Variants in CTNNA2 observed in about 807,000 individuals in gnomAD.
CTNNA2 encodes catenin alpha 2, also known as catenin alpha-2.
Under a neutral mutation model 101.0 loss-of-function variants are expected in CTNNA2, and 42 were observed. The observed-to-expected ratio is 0.42, with a 90% CI of 0.32 to 0.54. CTNNA2 has a LOEUF of 0.54. CTNNA2 is among the 20% of genes least tolerant of loss of function. The probability of loss-of-function intolerance (pLI) is 0.14; values close to 1 mark genes in which losing one functional copy is unlikely to be tolerated. For synonymous variants in CTNNA2, 450 were observed against 456.4 expected (o/e 0.99, Z 0.18); for missense variants, 871 against 1,223.1 (o/e 0.71, Z 4.29).
intron 3 of CTNNA2, among the ~76,000 whole-genome samples, chr2:79,806,642 C>T (rs566443501): frequency 3.9e-5 from 6 of 152,074 alleles, no homozygotes; most frequent in African/African-American, 7.2e-5. Context: ...CAGAACCCTG[C>T]GACTGCCCCA....
chr2:80,099,414 G>T (rs1044021539), intron 7 of CTNNA2, among the ~76,000 whole-genome samples: 2 of 152,118 alleles, frequency 1.3e-5, no homozygotes, highest in South Asian at 2.1e-4. Context: ...TGATAAACTG[G>T]CAGATATAGG....
At chr2:79,769,150 C>T (rs1160091436) in intron 3 of CTNNA2, among the ~76,000 whole-genome samples, 2 of 152,168 alleles carry the variant, frequency 1.3e-5, no homozygotes, top group Admixed American at 6.6e-5. Flanking sequence ...CCACTGTGCT[C>T]GGCCTGTGTG....
At chr2:80,391,256 A>G (rs533527975) in intron 7 of CTNNA2, among the ~76,000 whole-genome samples, 74 of 152,086 alleles carry the variant, frequency 4.9e-4, no homozygotes, top group African/African-American at 1.6e-3. Flanking sequence ...CACTCTGTTC[A>G]CACCAGTCCC....
chr2:79,538,599 T>A (rs1673216782), intron 1 of CTNNA2, among the ~76,000 whole-genome samples: 1 of 152,138 alleles, frequency 6.6e-6, no homozygotes, highest in African/African-American at 2.4e-5. Flanking sequence ...CAGGTAGGGC[T>A]GGAAATAGTA....
chr2:79,585,367 A>G (rs1479694583), intron 1 of CTNNA2, among the ~76,000 whole-genome samples: 1 of 152,020 alleles, frequency 6.6e-6, no homozygotes, highest in African/African-American at 2.4e-5. Context: ...TGTATTGGAT[A>G]ACACTTCCAA....
At chr2:79,241,032 T>A (rs957617368) in intron 2 of CTNNA2, among the ~76,000 whole-genome samples, 1 of 152,182 alleles carries the variant, frequency 6.6e-6, no homozygotes, top group Non-Finnish European at 1.5e-5. Flanking sequence ...TGGTAAGGAA[T>A]TTTTCACAGA....
chr2:79,486,761 G>A (rs367658625), intron 4 of CTNNA2, among the ~76,000 whole-genome samples: 7 of 152,116 alleles, frequency 4.6e-5, no homozygotes, highest in South Asian at 2.1e-4. Context: ...TTTAATGATC[G>A]CCATTCTAAC....
At chr2:79,393,962 A>C (rs1444506757) in intron 4 of CTNNA2, among the ~76,000 whole-genome samples, 1 of 151,996 alleles carries the variant, frequency 6.6e-6, no homozygotes, top group African/African-American at 2.4e-5. Context: ...GAGGCCACTG[A>C]CCTGAGTCAT....
intron 9 of CTNNA2, among the ~76,000 whole-genome samples, chr2:80,532,019 T>G (rs1490452873): frequency 6.6e-6 from 1 of 152,194 alleles, no homozygotes; most frequent in Non-Finnish European, 1.5e-5. Flanking sequence ...ATAGGCAATA[T>G]GTATAAAAGG....
chr2:79,301,936 C>CA (rs1373570932), intron 2 of CTNNA2, among the ~76,000 whole-genome samples: 3 of 151,530 alleles, frequency 2.0e-5, no homozygotes, highest in Non-Finnish European at 4.4e-5. Context: ...ACAAAAAATA[C>CA]AAAAAAATTA....
At chr2:79,563,189 T>TATATATATATA (rs879673133) in intron 1 of CTNNA2, among the ~76,000 whole-genome samples, 456 of 40,252 alleles carry the variant, frequency 0.011, 7 homozygotes, top group Middle Eastern at 0.067. Context: ...ATATATATAT[T>TATATATATATA]TTCCTTCATT....
chr2:79,555,964 A>T (rs1366946057), intron 1 of CTNNA2, among the ~76,000 whole-genome samples: 1 of 152,110 alleles, frequency 6.6e-6, no homozygotes, highest in Admixed American at 6.6e-5. Flanking sequence ...GGTCCATTAT[A>T]ATTTTTGCAA....
chr2:80,029,826 A>G (rs1265168116), intron 7 of CTNNA2, among the ~76,000 whole-genome samples: 7 of 152,142 alleles, frequency 4.6e-5, no homozygotes, highest in African/African-American at 1.7e-4. Flanking sequence ...ATAAAAACAC[A>G]CTAAAGCACA....
chr2:79,586,482 A>G (rs1316635117), intron 1 of CTNNA2, among the ~76,000 whole-genome samples: 1 of 146,592 alleles, frequency 6.8e-6, no homozygotes, highest in Non-Finnish European at 1.5e-5. Context: ...CTTTTCTACA[A>G]AGCCTTCTTC....
chr2:80,626,764 T>C (rs1671726754), intron 18 of CTNNA2, among the ~76,000 whole-genome samples: 1 of 152,112 alleles, frequency 6.6e-6, no homozygotes, highest in Non-Finnish European at 1.5e-5. Flanking sequence ...GTGCAGAACG[T>C]ACAGGTTTGT....
At chr2:79,301,673 C>T (rs1241383236) in intron 2 of CTNNA2, among the ~76,000 whole-genome samples, 2 of 152,152 alleles carry the variant, frequency 1.3e-5, no homozygotes, top group Non-Finnish European at 2.9e-5. Context: ...TCTCCCCTGT[C>T]TCCCCTTGAG....
At chr2:80,308,011 A>G (rs188621140) in intron 7 of CTNNA2, among the ~76,000 whole-genome samples, 3 of 152,366 alleles carry the variant, frequency 2.0e-5, no homozygotes, top group Admixed American at 2.0e-4. Context: ...CGTTGTAGTT[A>G]GAGAGGCCAG....
At chr2:79,268,820 G>C (rs994691654) in intron 2 of CTNNA2, among the ~76,000 whole-genome samples, 22 of 152,078 alleles carry the variant, frequency 1.4e-4, no homozygotes, top group Admixed American at 5.9e-4. Flanking sequence ...AGGAGAAACT[G>C]TTTTTTCTAC....
At chr2:80,208,225 T>C (rs996607761) in intron 7 of CTNNA2, among the ~76,000 whole-genome samples, 1 of 152,238 alleles carries the variant, frequency 6.6e-6, no homozygotes, top group Admixed American at 6.5e-5. Flanking sequence ...TGACTTCTTT[T>C]CATATGTGCT....
Sources: allele counts gnomAD v4.1 joint callset (sites outside exome capture counted in the v4.1 genomes callset), GRCh38; gene constraint gnomAD v4.1.1; transcripts MANE v1.5; gene names NCBI Gene and HGNC (gene_info 2026-07-23, HGNC 2026-07-21).